The following ACACB variants were observed in gnomAD, a reference collection of about 807,000 sequenced individuals.
ACACB encodes acetyl-CoA carboxylase 2.
In ACACB, 209 loss-of-function variants were observed where a neutral mutation model predicts 278.8. The ratio of observed to expected loss-of-function variants is 0.75; its 90% CI spans 0.67 to 0.84. ACACB has a LOEUF of 0.84. ACACB is among the 40% of genes least tolerant of loss of function. The pLI is 0.00. For missense variants in ACACB, 2,850 were observed against 3,269.0 expected (o/e 0.87, Z 3.13); for synonymous variants, 1,174 against 1,285.6 (o/e 0.91, Z 1.86).
chr12:109,193,349 C>T (rs1254403090), intron 15 of ACACB, among the ~76,000 whole-genome samples: 1 of 151,796 alleles, frequency 6.6e-6, no homozygotes, highest in African/African-American at 2.4e-5. Context: ...TCCCGAGTAG[C>T]TGGGATGACA....
chr12:109,140,284 T>TCCATCCA (rs1565857579), intron 2 of ACACB, among the ~76,000 whole-genome samples: 2 of 82,202 alleles, frequency 2.4e-5, no homozygotes, highest in East Asian at 2.9e-4. Flanking sequence ...CCTTCCTTCC[T>TCCATCCA]TCCTTCCTTC....
chr12:109,263,007 G>T (rs1338440761), intron 49 of ACACB: 2 of 123,386 alleles, frequency 1.6e-5, no homozygotes, highest in African/African-American at 5.5e-5. Flanking sequence ...TTATTTCTCA[G>T]CATACACAAA....
chr12:109,234,105 C>A, intron 31 of ACACB, 60 bp downstream of exon 31: 1 of 1,405,022 alleles, frequency 7.1e-7, no homozygotes, highest in Non-Finnish European at 9.9e-7. Context: ...AGGGGCTGGG[C>A]TCGTCGAGGC....
At chr12:109,179,371 G>C in intron 10 of ACACB, 74 bp downstream of exon 10, 2 of 1,475,642 alleles carry the variant, frequency 1.4e-6, no homozygotes, top group Non-Finnish European at 1.8e-6. Flanking sequence ...AACTTTCTAC[G>C]GTCAGTGTGG....
chr12:109,217,654 G>T (rs994819723), intron 24 of ACACB, among the ~76,000 whole-genome samples: 2 of 151,926 alleles, frequency 1.3e-5, no homozygotes, highest in Non-Finnish European at 2.9e-5. Context: ...ACAAAAATTA[G>T]CCAGGTGTGG....
intron 2 of ACACB, chr12:109,154,627 C>A (rs2043472087): frequency 6.6e-6 from 1 of 151,288 alleles, no homozygotes; most frequent in Admixed American, 6.6e-5. Flanking sequence ...GGGGGCGGGG[C>A]CTGGGTGGGG....
In ACACB at chr12:109,148,312, T is replaced by C. The variant is rs566176695; in HGVS notation, c.653+8254T>C. 3.3e-5 allele frequency among the ~76,000 whole-genome samples: 5 copies of C among 152,304 alleles called. No individual in the cohort carries two copies. In the South Asian group the frequency reaches 1.0e-3, roughly 32 times the overall value. ...CCTGTTCTGTGTGATCCCATTTTGT[T>C]GGACAAACAGCATGTGGTTAGTAGT... On this transcript the variant is annotated intron_variant, in intron 2 of 52. Coordinates refer to ENST00000338432, the MANE Select transcript of ACACB (RefSeq NM_001093.4).
At chr12:109,167,621 G>GTGTATA (rs1555210640) in intron 3 of ACACB, among the ~76,000 whole-genome samples, 22 of 77,524 alleles carry the variant, frequency 2.8e-4, no homozygotes, top group Non-Finnish European at 4.4e-4. Context: ...ATATGTATGT[G>GTGTATA]TATATATATA....
Position 109,241,267 on chromosome 12 carries a change from T to C in ACACB, c.5008T>C (p.Ser1670Pro), listed in dbSNP as rs1255283228. The C allele has an allele frequency of 6.2e-7, 1 of 1,614,112 alleles. No individual in the cohort carries two copies. Residue 1670 changes from serine to proline, a missense_variant, in exon 36 of 53, where the codon TCC (serine) becomes CCC (proline). Ser to Pro is a moderately conservative substitution (Grantham distance 74). Around this residue, in one of 3 missense-constraint regions of ACACB, gnomAD observed 2,265 missense variants for 2,561.3 expected, o/e 0.88. Transcript: ENST00000338432. The stretch of plus-strand genomic sequence containing the variant: ...CAGCCTCTACAAAGAAGTGACTGAC[T>C]CCAGATCTGGAAATGTAAGGCTGGC... ...DISLYKEVTDSRSGNIMFHSF... is the reference protein window; with the variant it reads ...DISLYKEVTDPRSGNIMFHSF...
intron 20 of ACACB, among the ~76,000 whole-genome samples, chr12:109,208,947 G>A (rs1002976220): frequency 2.0e-5 from 3 of 152,182 alleles, no homozygotes; most frequent in Non-Finnish European, 2.9e-5. Context: ...TGCACAGAGA[G>A]GGGGAGTCAG....
chr12:109,148,132 C>T (rs2043288403), intron 2 of ACACB, among the ~76,000 whole-genome samples: 1 of 152,208 alleles, frequency 6.6e-6, no homozygotes. Flanking sequence ...GATCTCAGGG[C>T]AGGGATTAGA....
Position 109,256,180 on chromosome 12 carries a change from C to T in ACACB, c.6207C>T (p.Gly2069=). Residue 2069 remains glycine (G), a synonymous_variant, in exon 45 of 53, where the codon GGC becomes GGT. Transcript: ENST00000338432. The stretch of plus-strand genomic sequence containing the variant: ...GGCAGAGCGGATTCTTTGACCACGG[C>T]AGTTTCAAGGAAATCATGGCACCCT... ...GTWQSGFFDH[G]SFKEIMAPWA... is the part of the protein sequence containing the mutation. 1 of 1,613,962 alleles carries T rather than the reference C, an allele frequency of 6.2e-7. No homozygotes were observed. Among genetic ancestry groups the T allele is most frequent in the Non-Finnish European group, 8.5e-7 (1 of 1,179,918 alleles).
At chr12:109,161,754 GT>G (rs2043732684) in intron 2 of ACACB, among the ~76,000 whole-genome samples, 1 of 150,032 alleles carries the variant, frequency 6.7e-6, no homozygotes, top group Admixed American at 6.6e-5. Context: ...TGTGTGTGGT[GT>G]GTGTGTGTGT....
In ACACB at chr12:109,264,362, G is replaced by A. The variant is rs1053485714; in HGVS notation, c.6918G>A (p.Arg2306=). 1 of 1,613,922 alleles carries A rather than the reference G, an allele frequency of 6.2e-7. No homozygotes were observed. Among genetic ancestry groups the A allele is most frequent in the African/African-American group, 1.3e-5 (1 of 74,860 alleles). ...CCGACTTCCATGACACACCCGGCCGGATGCTGGAGAAGGGCGTCATATCTG... is the reference window on the plus strand; with the variant it reads ...CCGACTTCCATGACACACCCGGCCGAATGCTGGAGAAGGGCGTCATATCTG... ...QFADFHDTPG[R]MLEKGVISDI... The change falls in exon 50 of 53, where the codon CGG becomes CGA. Residue 2306 remains arginine (R), a synonymous_variant. Coordinates refer to ENST00000338432, the MANE Select transcript of ACACB (RefSeq NM_001093.4).
rs1247806490 is a variant in ACACB at position 109,188,080 on chromosome 12, G to A, written c.2062G>A (p.Ala688Thr). ...KNVWGYFSVA[A>T]TGGLHEFADS... The stretch of plus-strand genomic sequence containing the variant: ...CGTGTGGGGTTACTTCAGCGTGGCC[G>A]CTACTGGAGGCCTGCACGAGTTTGC... The change falls in exon 13 of 53, where the codon GCT becomes ACT. Residue 688 changes from alanine (A) to threonine (T), a missense_variant. Physicochemically the swap from Ala to Thr is moderately conservative, Grantham distance 58. Coordinates refer to ENST00000338432, the MANE Select transcript of ACACB (RefSeq NM_001093.4). 6.2e-6 allele frequency: 10 copies of A among 1,613,670 alleles called. No homozygotes were observed. The highest frequency in any genetic ancestry group is 2.2e-5 in the South Asian group (2 of 91,050).
Position 109,149,430 on chromosome 12 carries a change from GAGA to G in ACACB, c.653+9375_653+9377del, listed in dbSNP as rs541645797. ...ACAGCAGGGAGGGGGCTGGGAGATA[GAGA>G]AGGAGAGTAGCTGGAAAATGGCAGA... On this transcript the variant is annotated intron_variant, in intron 2 of 52. Transcript: ENST00000338432. Among the ~76,000 whole-genome samples, 8 of 152,258 alleles carry G rather than the reference GAGA, an allele frequency of 5.3e-5. No homozygotes were observed. In the East Asian group the frequency reaches 1.5e-3, roughly 29 times the overall value.
chr12:109,214,681 TTTG>T (rs2136455695), intron 22 of ACACB, among the ~76,000 whole-genome samples: 1 of 152,310 alleles, frequency 6.6e-6, no homozygotes, highest in African/African-American at 2.4e-5. Context: ...CTTGGTCTGT[TTTG>T]TTGTGATTTG....
chr12:109,190,381 C>T (rs1013498787), intron 13 of ACACB, among the ~76,000 whole-genome samples: 1 of 152,204 alleles, frequency 6.6e-6, no homozygotes. Flanking sequence ...AGCCACTGCA[C>T]CTGGCCTGAG....
At chr12:109,135,539 C>T (rs1175031001) in intron 1 of ACACB, among the ~76,000 whole-genome samples, 3 of 151,560 alleles carry the variant, frequency 2.0e-5, no homozygotes, top group African/African-American at 7.3e-5. Flanking sequence ...TCCAATTTAC[C>T]TATTTTTTCT....
Sources: gnomAD v4.1 joint callset for allele counts (sites outside exome capture counted in the v4.1 genomes callset) on GRCh38, gnomAD v4.1.1 for gene constraint, gnomAD v4.1.1 regional missense constraint, MANE v1.5 for transcripts, NCBI Gene and HGNC (gene_info 2026-07-23, HGNC 2026-07-21) for gene names.